The following ATRX variants were observed in gnomAD, a reference collection of about 807,000 sequenced individuals.
ATRX encodes ATRX chromatin remodeler, also known as chromatin remodeler ATRX.
In ATRX, 12 loss-of-function variants were observed where a neutral mutation model predicts 172.6. The ratio of observed to expected loss-of-function variants is 0.07; its 90% CI spans 0.04 to 0.11. The LOEUF (loss-of-function observed/expected upper bound fraction) is 0.11, where lower values mean the gene tolerates loss of function less well. Among genes scored for constraint, ATRX ranks in the 10% least tolerant of loss-of-function variants. The pLI is 1.00. For synonymous variants in ATRX, 674 were observed against 594.7 expected, an observed-to-expected ratio of 1.13 and a Z score of -1.94; for missense variants, 1,368 against 1,767.4, an observed-to-expected ratio of 0.77 and a Z score of 4.05.
chrX:77,780,923 A>T (rs1026357113), intron 1 of ATRX, among the ~76,000 whole-genome samples: 1 of 110,687 alleles, frequency 9.0e-6, no homozygotes, highest in Non-Finnish European at 1.9e-5. Context: ...CTTGGGTGAC[A>T]GTGAGACCTT....
At chrX:77,712,459 C>A (rs1159969469) in intron 2 of ATRX, among the ~76,000 whole-genome samples, 1 of 112,407 alleles carries the variant, frequency 8.9e-6, no homozygotes, top group East Asian at 2.8e-4. Context: ...AGTTACGTTT[C>A]TTTAATGCGA....
chrX:77,626,385 G>T (rs1176432054), intron 19 of ATRX, among the ~76,000 whole-genome samples: 1 of 108,716 alleles, frequency 9.2e-6, no homozygotes, highest in Non-Finnish European at 1.9e-5. Context: ...CACCACTAAA[G>T]AACTTACTCA....
At chrX:77,609,051 A>C (rs1248660244) in intron 22 of ATRX, among the ~76,000 whole-genome samples, 1 of 111,983 alleles carries the variant, frequency 8.9e-6, no homozygotes, top group Non-Finnish European at 1.9e-5. Flanking sequence ...ATATCATCTC[A>C]CCCTTTAAAG....
At chrX:77,681,449 G>A in intron 9 of ATRX, 71 bp downstream of exon 9, 1 of 1,036,931 alleles carries the variant, frequency 9.6e-7, no homozygotes, top group Non-Finnish European at 1.3e-6. Context: ...TAGCTTCAGA[G>A]GAAATTAAAC....
rs398123423 is a variant in ATRX at position 77,652,291 on chromosome X, TTCC to T, written c.4377_4379del (p.Glu1464del). The T allele has an allele frequency of 2.3e-3, 2,703 of 1,198,651 alleles. 2 individuals are homozygous for T. Among genetic ancestry groups the T allele is most frequent in the Non-Finnish European group, 2.8e-3 (2,450 of 888,687 alleles). On this transcript the variant is annotated inframe_deletion, in exon 15 of 35. Coordinates refer to ENST00000373344, the MANE Select transcript of ATRX (RefSeq NM_000489.6). ...CATCATTTTCATCTTCCTCCTCCTCTTCCTCCTCCTCCTCCTCTTCCTCCTCCT... is the reference window on the plus strand; with the variant it reads ...CATCATTTTCATCTTCCTCCTCCTCTTCCTCCTCCTCCTCTTCCTCCTCCT...
chrX:77,593,362 A>G (rs1438095059), intron 26 of ATRX, among the ~76,000 whole-genome samples: 2 of 111,875 alleles, frequency 1.8e-5, no homozygotes, highest in African/African-American at 3.3e-5. Flanking sequence ...ATCTCAGTAA[A>G]GCAACACGGT....
intron 22 of ATRX, among the ~76,000 whole-genome samples, chrX:77,613,864 T>C (rs1291749654): frequency 8.9e-6 from 1 of 112,047 alleles, no homozygotes; most frequent in Non-Finnish European, 1.9e-5. Context: ...ATTAAGTATC[T>C]ACATGCTTAT....
At chrX:77,557,856 C>A (rs187425982) in intron 29 of ATRX, among the ~76,000 whole-genome samples, 62 of 111,584 alleles carry the variant, frequency 5.6e-4, no homozygotes, top group African/African-American at 2.0e-3. Flanking sequence ...AATTACATTA[C>A]TGATAATTAT....
chrX:77,742,959 C>T (rs986625653), intron 1 of ATRX, among the ~76,000 whole-genome samples: 16 of 111,186 alleles, frequency 1.4e-4, no homozygotes, highest in East Asian at 1.4e-3. Context: ...GTGAGCAGTA[C>T]GGGGAAGCAA....
chrX:77,734,143 G>T lies in ATRX; in HGVS notation c.21-16900C>A, dbSNP rs1448499368. Among the ~76,000 whole-genome samples the T allele has an allele frequency of 2.7e-5, 3 of 110,957 alleles. No homozygotes were observed. In the Admixed American group the frequency reaches 2.9e-4, roughly 11 times the overall value. On this transcript the variant is annotated intron_variant, in intron 1 of 34. Coordinates refer to ENST00000373344, the MANE Select transcript of ATRX (RefSeq NM_000489.6). ...AATCGCTTGAACCTGGGAGGCGGAG[G>T]TTGCAGTGAGCCGAGATCGTGCCAG...
intron 2 of ATRX, among the ~76,000 whole-genome samples, chrX:77,714,624 G>A (rs2073282445): frequency 9.0e-6 from 1 of 111,502 alleles, no homozygotes; most frequent in Admixed American, 9.6e-5. Flanking sequence ...AGGATGCATG[G>A]AGAACAGAAC....
At chrX:77,680,037 C>T (rs2071101096) in intron 9 of ATRX, among the ~76,000 whole-genome samples, 1 of 111,911 alleles carries the variant, frequency 8.9e-6, no homozygotes, top group Non-Finnish European at 1.9e-5. Flanking sequence ...GACAATCTGG[C>T]AGCAAAACCT....
chrX:77,547,567 T>C (rs1256519819), intron 30 of ATRX, among the ~76,000 whole-genome samples: 3 of 111,875 alleles, frequency 2.7e-5, no homozygotes, highest in African/African-American at 9.7e-5. Flanking sequence ...GGAGGGAAAA[T>C]AGAAGCATCT....
chrX:77,541,722 G>T lies in ATRX; in HGVS notation c.6699+15729C>A, dbSNP rs1217464936. Among the ~76,000 whole-genome samples, 41 of 111,896 alleles carry T rather than the reference G, an allele frequency of 3.7e-4. 2 individuals carry two copies. The Admixed American group carries it at 3.9e-3, about 11-fold the overall frequency. ...ACAGAACCAATGACAAAAACCATAT[G>T]ATTATCTCAATAGATGCAGAAAAGA... On this transcript the variant is annotated intron_variant, in intron 30 of 34. Transcript: ENST00000373344.
intron 1 of ATRX, among the ~76,000 whole-genome samples, chrX:77,754,595 C>T (rs1356847366): frequency 1.8e-5 from 2 of 111,691 alleles, no homozygotes; most frequent in Non-Finnish European, 3.8e-5. Context: ...CCTTCGCTTA[C>T]GAAGCTTAGT....
Position 77,690,304 on chromosome X carries a change from G to T in ATRX, c.485-1377C>A, listed in dbSNP as rs782604576. 5.4e-5 allele frequency among the ~76,000 whole-genome samples: 6 copies of T among 111,657 alleles called. No homozygotes were observed. The East Asian group carries it at 1.7e-3, about 31-fold the overall frequency. ...GCTGGTCTCCAACTCCTGGGCTCAA[G>T]CAATCTTCTGGCATCAGCCTCCCAA... is the stretch of plus-strand genomic sequence containing the variant. On this transcript the variant is annotated intron_variant, in intron 6 of 34. Coordinates refer to ENST00000373344, the MANE Select transcript of ATRX (RefSeq NM_000489.6).
chrX:77,541,914 A>C (rs1241043889), intron 30 of ATRX, among the ~76,000 whole-genome samples: 1 of 111,676 alleles, frequency 9.0e-6, no homozygotes, highest in Non-Finnish European at 1.9e-5. Flanking sequence ...GCACAAGACA[A>C]GGATGCCCTC....
chrX:77,728,321 C>T (rs1301355346), intron 1 of ATRX, among the ~76,000 whole-genome samples: 1 of 111,226 alleles, frequency 9.0e-6, no homozygotes, highest in Non-Finnish European at 1.9e-5. Flanking sequence ...TTATTAAATT[C>T]AATTATCTCT....
At chrX:77,779,021 A>G (rs1557204274) in intron 1 of ATRX, among the ~76,000 whole-genome samples, 3 of 105,658 alleles carry the variant, frequency 2.8e-5, no homozygotes, top group African/African-American at 1.0e-4. Context: ...TCCGCCTCCC[A>G]GGTTCACGAA....
Sources: allele counts gnomAD v4.1 joint callset (sites outside exome capture counted in the v4.1 genomes callset), GRCh38; gene constraint gnomAD v4.1.1; transcripts MANE v1.5; gene names NCBI Gene and HGNC (gene_info 2026-07-23, HGNC 2026-07-21).